The following FAM187A variants were observed in gnomAD, a reference collection of about 807,000 sequenced individuals.
The protein encoded by FAM187A is family with sequence similarity 187 member A, also known as Ig-like V-type domain-containing protein FAM187A.
In FAM187A, 4 loss-of-function variants were observed where a neutral mutation model predicts 6.4. The ratio of observed to expected loss-of-function variants is 0.63; its 90% CI spans 0.31 to 1.44. FAM187A has a LOEUF of 1.44. Ranked by LOEUF, FAM187A falls within the 40% of genes most tolerant of loss-of-function variation. The pLI is 0.07. For synonymous variants in FAM187A, 221 were observed against 213.4 expected, an observed-to-expected ratio of 1.04 and a Z score of -0.31; for missense variants, 463 against 542.2, an observed-to-expected ratio of 0.85 and a Z score of 1.45.
At chr17:44,903,435 CT>C in exon 4 of FAM187A, 1 of 1,251,572 alleles carries the variant, frequency 8.0e-7, no homozygotes, top group Non-Finnish European at 1.0e-6. Context: ...TGATGAAAGA[CT>C]TTTCCACCAG....
chr17:44,905,138 T>A, exon 4 of FAM187A: 1 of 1,296,300 alleles, frequency 7.7e-7, no homozygotes, highest in Non-Finnish European at 1.1e-6. Flanking sequence ...CAGATGTCTC[T>A]GGGTGGGTAC....
rs2051630867 is a variant in FAM187A, at chr17:44,904,933, GT to G, written c.1106del (p.Phe369SerfsTer14). The stretch of plus-strand genomic sequence containing the variant: ...CATCTCATGGGCACTACCCAGCCTC[GT>G]TCTCAGATCCTGAGACTCGCTCGGC... On this transcript the variant is annotated frameshift_variant, in exon 4 of 4. Transcript: ENST00000331733. LOFTEE classifies it low-confidence loss of function (END_TRUNC). 1 of 1,550,620 alleles carries G rather than the reference GT, an allele frequency of 6.4e-7. No individual in the cohort carries two copies.
At chr17:44,903,965 G>A (rs191363131) in exon 4 of FAM187A, 146 of 1,550,600 alleles carry the variant, frequency 9.4e-5, no homozygotes, top group Middle Eastern at 6.7e-4. Flanking sequence ...CTACCTGGCC[G>A]ACATGAGCTT....
exon 4 of FAM187A, chr17:44,904,516 C>A (rs1450403739): frequency 1.0e-5 from 16 of 1,550,098 alleles, no homozygotes; most frequent in Non-Finnish European, 1.4e-5. Context: ...AGGCCAGGGA[C>A]CACACGCCTG....
At chr17:44,904,457 G>C in exon 4 of FAM187A, 1 of 1,543,966 alleles carries the variant, frequency 6.5e-7, no homozygotes, top group Non-Finnish European at 8.8e-7. Flanking sequence ...GGCCGTGCCC[G>C]ATGTGGTGTC....
In FAM187A at chr17:44,904,877, G is replaced by GT; in HGVS notation, c.1049dup (p.Leu351AlafsTer23). ...CATCTACTATTGCTGGAGGCAGGGTGTGCTAGTTGCTGGCTTCCGGCTGGG... is the reference window on the plus strand; with the variant it reads ...CATCTACTATTGCTGGAGGCAGGGTGTTGCTAGTTGCTGGCTTCCGGCTGGG... On this transcript the variant is annotated frameshift_variant, in exon 4 of 4. Transcript: ENST00000331733. LOFTEE classifies it low-confidence loss of function (END_TRUNC). The GT allele has an allele frequency of 3.9e-6, 6 of 1,550,666 alleles. No individual in the cohort carries two copies. The highest frequency in any genetic ancestry group is 4.4e-6 in the Non-Finnish European group (5 of 1,146,968).
At chr17:44,904,131 C>T (rs12937256) in exon 4 of FAM187A, 178,039 of 1,550,342 alleles carry the variant, frequency 0.11, 10,821 homozygotes, top group East Asian at 0.21. Flanking sequence ...GACATGCTGA[C>T]CCGCTTCAGC....
At chr17:44,904,191 G>A (rs1485459429) in exon 4 of FAM187A, 3 of 1,550,450 alleles carry the variant, frequency 1.9e-6, no homozygotes. Context: ...GAGGACTCAG[G>A]CCTGTACTTC....
exon 4 of FAM187A, chr17:44,903,794 T>G: frequency 6.6e-7 from 1 of 1,525,332 alleles, no homozygotes; most frequent in Non-Finnish European, 8.8e-7. Context: ...ATGCCCTGGT[T>G]TTGCCCTGCC....
exon 4 of FAM187A, chr17:44,905,102 C>T (rs1195329261): frequency 1.4e-6 from 2 of 1,469,552 alleles, no homozygotes; most frequent in African/African-American, 1.4e-5. Flanking sequence ...GACCAGTTGT[C>T]CTTCAATGTG....
At chr17:44,903,834 A>G (rs2051604033) in exon 4 of FAM187A, 1 of 1,549,470 alleles carries the variant, frequency 6.5e-7, no homozygotes, top group African/African-American at 1.4e-5. Context: ...TCAGGTATGC[A>G]CCTGGCCCTC....
exon 4 of FAM187A, chr17:44,904,163 G>C (rs756583516): frequency 1.9e-6 from 3 of 1,550,238 alleles, no homozygotes; most frequent in African/African-American, 1.4e-5. Flanking sequence ...CAGCTTGTTG[G>C]TTTTCAGGGC....
At chr17:44,905,154 G>A in exon 4 of FAM187A, 2 of 1,085,338 alleles carry the variant, frequency 1.8e-6, no homozygotes, top group Non-Finnish European at 2.6e-6. Context: ...GGTACCCTGG[G>A]TTGGGACAGG....
chr17:44,903,463 C>T, exon 4 of FAM187A: 1 of 1,267,340 alleles, frequency 7.9e-7, no homozygotes, highest in Non-Finnish European at 9.9e-7. Flanking sequence ...AGGGCAGGGC[C>T]TGGAGCACTG....
exon 4 of FAM187A, chr17:44,904,221 ACTACTTTTACGC>A (rs2051612780): frequency 3.9e-6 from 6 of 1,550,476 alleles, no homozygotes; most frequent in Non-Finnish European, 4.4e-6. Context: ...CGCAAGGGGG[ACTACTTTTACGC>A]CTACGATGTG....
At chr17:44,905,246 G>A (rs1485682040) in exon 4 of FAM187A, 7 of 610,514 alleles carry the variant, frequency 1.1e-5, no homozygotes, top group Non-Finnish European at 2.1e-5. Context: ...GAGAAGTGGA[G>A]GGGCCTGAGG....
At chr17:44,904,380 G>A (rs754156415) in exon 4 of FAM187A, 6 of 1,542,230 alleles carry the variant, frequency 3.9e-6, no homozygotes, top group African/African-American at 2.7e-5. Flanking sequence ...TGCGGAGTGC[G>A]TGGGGAGCAG....
At chr17:44,904,567 A>G in exon 4 of FAM187A, 2 of 1,550,568 alleles carry the variant, frequency 1.3e-6, no homozygotes, top group Non-Finnish European at 1.7e-6. Context: ...GTGAGAAGAC[A>G]AAGACCATCC....
exon 4 of FAM187A, chr17:44,903,788 C>T (rs1567766415): frequency 6.6e-7 from 1 of 1,516,504 alleles, no homozygotes; most frequent in South Asian, 1.3e-5. Context: ...CCTTTAATGC[C>T]CTGGTTTTGC....
Sources: gnomAD v4.1 joint callset for allele counts on GRCh38, gnomAD v4.1.1 for gene constraint, MANE v1.5 for transcripts, NCBI Gene and HGNC (gene_info 2026-07-23, HGNC 2026-07-21) for gene names.